Variants in EPHA5 observed in about 807,000 individuals in gnomAD.
EPHA5 encodes the protein EPH receptor A5, also known as ephrin type-A receptor 5.
EPHA5 carries 60 observed loss-of-function variants against 105.0 expected under a neutral mutation model. That is an observed-to-expected ratio of 0.57 (90% CI 0.46 to 0.71). The LOEUF is 0.71. EPHA5 is among the 30% of genes least tolerant of loss of function. EPHA5 has a pLI of 0.00. For synonymous variants in EPHA5, 513 were observed against 449.1 expected (o/e 1.14, Z -1.80); for missense variants, 1,218 against 1,274.7 (o/e 0.96, Z 0.68).
At chr4:65,418,644 G>A (rs1407534936) in intron 6 of EPHA5, among the ~76,000 whole-genome samples, 4 of 152,060 alleles carry the variant, frequency 2.6e-5, no homozygotes, top group Middle Eastern at 3.4e-3. Context: ...TTCAAAAATC[G>A]TTGACTATTT....
intron 5 of EPHA5, among the ~76,000 whole-genome samples, chr4:65,490,078 TTA>T (rs1215083031): frequency 2.0e-4 from 30 of 152,272 alleles, no homozygotes; most frequent in African/African-American, 7.0e-4. Context: ...TGCTATGAAA[TTA>T]TATGAGATAA....
intron 8 of EPHA5, among the ~76,000 whole-genome samples, chr4:65,374,732 A>T (rs1384794159): frequency 6.6e-6 from 1 of 151,978 alleles, no homozygotes; most frequent in East Asian, 1.9e-4. Flanking sequence ...CTTTCAAGAC[A>T]CGAAAAACAA....
At chr4:65,333,169 A>G (rs1720804371) in intron 15 of EPHA5, among the ~76,000 whole-genome samples, 1 of 151,044 alleles carries the variant, frequency 6.6e-6, no homozygotes, top group African/African-American at 2.5e-5. Flanking sequence ...TAAATATTAA[A>G]AATAATTTAC....
At chr4:65,597,693 A>C (rs1271351468) in intron 3 of EPHA5, among the ~76,000 whole-genome samples, 1 of 152,222 alleles carries the variant, frequency 6.6e-6, no homozygotes, top group Non-Finnish European at 1.5e-5. Context: ...CTATATTTTA[A>C]GTTCATACAA....
intron 5 of EPHA5, among the ~76,000 whole-genome samples, chr4:65,426,677 C>CCTACTTTATACTTAAAAA (rs2149051513): frequency 6.6e-6 from 1 of 152,134 alleles, no homozygotes; most frequent in South Asian, 2.1e-4. Context: ...AGCACATGGT[C>CCTACTTTATACTTAAAAA]CTACTTTATA....
intron 3 of EPHA5, among the ~76,000 whole-genome samples, chr4:65,572,699 G>C (rs1578456608): frequency 2.6e-5 from 4 of 152,152 alleles, no homozygotes; most frequent in African/African-American, 4.8e-5. Context: ...AAAAAAACAA[G>C]AGAGCATGTC....
chr4:65,629,304 G>T (rs11131606), intron 2 of EPHA5, among the ~76,000 whole-genome samples: 10,655 of 152,202 alleles, frequency 0.07, 517 homozygotes, highest in East Asian at 0.21. Flanking sequence ...AGGAAACAAT[G>T]AGCTAATAGG....
At chr4:65,354,774 C>A (rs1461753628) in intron 11 of EPHA5, among the ~76,000 whole-genome samples, 1 of 151,546 alleles carries the variant, frequency 6.6e-6, no homozygotes, top group African/African-American at 2.4e-5. Context: ...AAAGAAATAA[C>A]TGGGAAGAAA....
intron 3 of EPHA5, among the ~76,000 whole-genome samples, chr4:65,543,379 G>T (rs2149325681): frequency 6.6e-6 from 1 of 151,998 alleles, no homozygotes; most frequent in East Asian, 1.9e-4. Flanking sequence ...CAAACTCTCA[G>T]GATACAAAAA....
chr4:65,333,963 A>G (rs1225519126), intron 15 of EPHA5, among the ~76,000 whole-genome samples: 1 of 151,678 alleles, frequency 6.6e-6, no homozygotes, highest in Non-Finnish European at 1.5e-5. Flanking sequence ...TGTGCATACC[A>G]TCTATTCAAC....
At chr4:65,371,998 G>A (rs908276551) in intron 8 of EPHA5, among the ~76,000 whole-genome samples, 41 of 151,734 alleles carry the variant, frequency 2.7e-4, no homozygotes, top group African/African-American at 8.4e-4. Context: ...TATTCAAAAA[G>A]CAACAAATTA....
intron 2 of EPHA5, among the ~76,000 whole-genome samples, chr4:65,604,862 TAG>T (rs1367886638): frequency 6.6e-6 from 1 of 152,220 alleles, no homozygotes; most frequent in African/African-American, 2.4e-5. Context: ...AAGGCACAGA[TAG>T]GAATCAATAT....
chr4:65,347,942 G>A, intron 14 of EPHA5, 112 bp downstream of exon 14: 2 of 1,127,586 alleles, frequency 1.8e-6, no homozygotes, highest in Non-Finnish European at 2.5e-6. Flanking sequence ...GGTAAGCAAA[G>A]TATTTCATTT....
chr4:65,456,097 T>A (rs1266491310), intron 5 of EPHA5, among the ~76,000 whole-genome samples: 1 of 152,186 alleles, frequency 6.6e-6, no homozygotes, highest in Non-Finnish European at 1.5e-5. Context: ...GAGAGAAACT[T>A]GTTAAAAGAA....
At chr4:65,641,865 T>C (rs1259990965) in intron 2 of EPHA5, among the ~76,000 whole-genome samples, 1 of 151,876 alleles carries the variant, frequency 6.6e-6, no homozygotes, top group East Asian at 1.9e-4. Flanking sequence ...CAGCATGAAG[T>C]TGTTAGAATA....
chr4:65,580,076 C>G (rs1205843589), intron 3 of EPHA5, among the ~76,000 whole-genome samples: 1 of 151,522 alleles, frequency 6.6e-6, no homozygotes, highest in Non-Finnish European at 1.5e-5. Context: ...TTTTCAAGAA[C>G]GAGACTTAGA....
chr4:65,655,899 G>T (rs1749012456), intron 1 of EPHA5, among the ~76,000 whole-genome samples: 1 of 152,122 alleles, frequency 6.6e-6, no homozygotes, highest in East Asian at 1.9e-4. Context: ...TACAAGTCAG[G>T]ATTATATCAC....
intron 5 of EPHA5, among the ~76,000 whole-genome samples, chr4:65,456,646 A>G (rs998434076): frequency 2.6e-5 from 4 of 152,172 alleles, no homozygotes; most frequent in African/African-American, 9.6e-5. Context: ...GTGCATGAGA[A>G]CACAATTATT....
chr4:65,503,908 T>TAC (rs34693427), intron 3 of EPHA5, among the ~76,000 whole-genome samples: 11,307 of 145,282 alleles, frequency 0.078, 474 homozygotes, highest in Middle Eastern at 0.11. Flanking sequence ...ATGTGTGTGA[T>TAC]ACACACACAC....
Sources: allele counts gnomAD v4.1 joint callset (sites outside exome capture counted in the v4.1 genomes callset), GRCh38; gene constraint gnomAD v4.1.1; transcripts MANE v1.5; gene names NCBI Gene and HGNC (gene_info 2026-07-23, HGNC 2026-07-21).